Variants in SYT1 observed in about 807,000 individuals in gnomAD.
SYT1 encodes synaptotagmin-1.
SYT1 carries 8 observed loss-of-function variants against 44.8 expected under a neutral mutation model. The observed-to-expected ratio is 0.18, with a 90% CI of 0.10 to 0.32. The LOEUF is 0.32. SYT1 is among the 10% of genes least tolerant of loss of function. The pLI is 1.00. For synonymous variants in SYT1, 154 were observed against 188.8 expected, an observed-to-expected ratio of 0.82 and a Z score of 1.51; for missense variants, 286 against 509.3, an observed-to-expected ratio of 0.56 and a Z score of 4.22.
At chr12:78,948,502 T>A (rs1878789851) in intron 1 of SYT1, among the ~76,000 whole-genome samples, 1 of 152,046 alleles carries the variant, frequency 6.6e-6, no homozygotes. Flanking sequence ...TAATTGCTGG[T>A]CATTTTATGT....
At chr12:79,246,899 A>C (rs552194894) in intron 4 of SYT1, among the ~76,000 whole-genome samples, 10 of 152,008 alleles carry the variant, frequency 6.6e-5, no homozygotes, top group African/African-American at 2.4e-4. Flanking sequence ...TCTTTTTATC[A>C]CCCTTGTCCA....
At chr12:79,252,267 T>C (rs761591103) in intron 4 of SYT1, among the ~76,000 whole-genome samples, 1 of 152,134 alleles carries the variant, frequency 6.6e-6, no homozygotes, top group Non-Finnish European at 1.5e-5. Flanking sequence ...TGCATTAATA[T>C]TAAAAATTTA....
At chr12:79,223,233 T>C (rs557989727) in intron 4 of SYT1, among the ~76,000 whole-genome samples, 1 of 152,354 alleles carries the variant, frequency 6.6e-6, no homozygotes, top group South Asian at 2.1e-4. Flanking sequence ...TACTTCAGTC[T>C]TCACAGTCTT....
chr12:79,061,550 A>C (rs950893194), intron 3 of SYT1, among the ~76,000 whole-genome samples: 2 of 152,168 alleles, frequency 1.3e-5, no homozygotes, highest in African/African-American at 4.8e-5. Context: ...CTGGGCCACA[A>C]AAATGAATGG....
At chr12:79,312,104 T>C (rs1880834442) in intron 8 of SYT1, among the ~76,000 whole-genome samples, 1 of 152,096 alleles carries the variant, frequency 6.6e-6, no homozygotes, top group Admixed American at 6.5e-5. Flanking sequence ...TGTGGATTCT[T>C]TCATACTGCA....
intron 4 of SYT1, among the ~76,000 whole-genome samples, chr12:79,243,550 C>T (rs1876639253): frequency 6.6e-6 from 1 of 152,174 alleles, no homozygotes; most frequent in Admixed American, 6.5e-5. Flanking sequence ...AATCGAATCC[C>T]TTTTCCCTGC....
intron 3 of SYT1, among the ~76,000 whole-genome samples, chr12:79,085,767 A>T (rs1565799304): frequency 6.6e-6 from 1 of 152,138 alleles, no homozygotes; most frequent in Non-Finnish European, 1.5e-5. Flanking sequence ...TTTGACTCCT[A>T]CAGTCCTTTA....
At chr12:78,892,908 A>G (rs1875135093) in intron 1 of SYT1, among the ~76,000 whole-genome samples, 2 of 151,892 alleles carry the variant, frequency 1.3e-5, no homozygotes. Context: ...TAAGAGAAAC[A>G]TAAGTCATAT....
chr12:79,366,894 C>CTCTGTG (rs1414626827), intron 9 of SYT1, among the ~76,000 whole-genome samples: 1 of 117,424 alleles, frequency 8.5e-6, no homozygotes, highest in Non-Finnish European at 1.7e-5. Context: ...ATAAATAATA[C>CTCTGTG]TGTGTGTGTG....
chr12:79,315,862 C>T (rs1209897491), intron 8 of SYT1, among the ~76,000 whole-genome samples: 1 of 152,110 alleles, frequency 6.6e-6, no homozygotes, highest in Non-Finnish European at 1.5e-5. Context: ...GTCTACTCTC[C>T]CTTAAGACAA....
chr12:78,930,485 GA>G (rs199942670), intron 1 of SYT1, among the ~76,000 whole-genome samples: 194 of 149,276 alleles, frequency 1.3e-3, no homozygotes, highest in African/African-American at 4.4e-3. Flanking sequence ...CAAAAGTTGG[GA>G]AAAAAAAATA....
chr12:79,054,526 A>G (rs1333112058), intron 3 of SYT1, among the ~76,000 whole-genome samples: 1 of 152,012 alleles, frequency 6.6e-6, no homozygotes, highest in Admixed American at 6.6e-5. Flanking sequence ...GACATTCACC[A>G]TATATACTTA....
At chr12:78,899,483 C>A (rs907732052) in intron 1 of SYT1, among the ~76,000 whole-genome samples, 1 of 151,726 alleles carries the variant, frequency 6.6e-6, no homozygotes, top group Non-Finnish European at 1.5e-5. Context: ...GTATTAAATA[C>A]ATATGAATGT....
At chr12:79,112,033 A>AG (rs1759211999) in intron 3 of SYT1, among the ~76,000 whole-genome samples, 1 of 151,992 alleles carries the variant, frequency 6.6e-6, no homozygotes, top group Admixed American at 6.6e-5. Flanking sequence ...CAGGAAAAAA[A>AG]AAAAAACACA....
intron 3 of SYT1, among the ~76,000 whole-genome samples, chr12:79,095,314 T>C (rs1050144313): frequency 3.9e-5 from 6 of 151,970 alleles, no homozygotes; most frequent in African/African-American, 1.4e-4. Flanking sequence ...GTTTTAAACT[T>C]TGGAGCCCAG....
chr12:79,190,819 T>G (rs930956978), intron 3 of SYT1, among the ~76,000 whole-genome samples: 1 of 151,044 alleles, frequency 6.6e-6, no homozygotes, highest in East Asian at 2.0e-4. Context: ...TGCCCCTCTT[T>G]TTTTCAGAAC....
At chr12:79,438,655 A>C (rs188913549) in intron 9 of SYT1, among the ~76,000 whole-genome samples, 3 of 152,200 alleles carry the variant, frequency 2.0e-5, no homozygotes. Context: ...AAGTAATTAC[A>C]AAACCAGTCA....
At chr12:79,382,494 CT>C (rs1884265128) in intron 9 of SYT1, among the ~76,000 whole-genome samples, 1 of 151,772 alleles carries the variant, frequency 6.6e-6, no homozygotes, top group South Asian at 2.1e-4. Context: ...ATTTTTTCCC[CT>C]TGTTATTTAC....
chr12:79,282,530 T>G (rs1445880239), intron 4 of SYT1, among the ~76,000 whole-genome samples: 1 of 152,210 alleles, frequency 6.6e-6, no homozygotes, highest in Non-Finnish European at 1.5e-5. Context: ...AACAATAAAC[T>G]GATAGTTTTC....
Sources: allele counts gnomAD v4.1 joint callset (sites outside exome capture counted in the v4.1 genomes callset), GRCh38; gene constraint gnomAD v4.1.1; transcripts MANE v1.5; gene names NCBI Gene and HGNC (gene_info 2026-07-23, HGNC 2026-07-21).